Variants in CNOT4 observed in about 807,000 individuals in gnomAD.
CNOT4 encodes the protein CCR4-associated factor 4.
A neutral mutation model predicts 73.8 loss-of-function variants in CNOT4; 8 were observed. That is an observed-to-expected ratio of 0.11 (90% CI 0.06 to 0.20). The LOEUF (loss-of-function observed/expected upper bound fraction) is 0.20. Ranked by LOEUF, CNOT4 falls within the 10% of genes least tolerant of loss-of-function variation. The probability of loss-of-function intolerance (pLI) is 1.00; values close to 1 mark genes in which losing one functional copy is unlikely to be tolerated. For synonymous variants in CNOT4, 293 were observed against 321.1 expected (o/e 0.91, Z 0.94); for missense variants, 564 against 883.4 (o/e 0.64, Z 4.58).
chr7:135,363,273 A>G lies in CNOT4; in HGVS notation c.1841-87T>C. The G allele has an allele frequency of 1.6e-6, 2 of 1,240,914 alleles. No individual in the cohort carries two copies. The highest frequency in any genetic ancestry group is 2.3e-6 in the Non-Finnish European group (2 of 858,374). The allele number at this position is 1,240,914 out of a possible 1,614,324, so 76.9% of individuals were successfully genotyped here. On this transcript the variant is annotated intron_variant, in intron 11 of 11. Coordinates refer to ENST00000541284, the MANE Select transcript of CNOT4 (RefSeq NM_001190850.2). The surrounding 1 kb of genome is among the most constrained non-coding windows in gnomAD (Gnocchi z 4.3). ...CAAACAAATTTAGAAAGCAAAACCA[A>G]AAGGAAAGACAGAAGAGATTACAAT...
intron 1 of CNOT4, among the ~76,000 whole-genome samples, chr7:135,449,664 T>A (rs1800045815): frequency 6.6e-6 from 1 of 152,186 alleles, no homozygotes. Context: ...AGAAAATTAC[T>A]GTCAACCTAC....
chr7:135,452,633 C>T (rs761740580), intron 1 of CNOT4, among the ~76,000 whole-genome samples: 1 of 151,994 alleles, frequency 6.6e-6, no homozygotes, highest in African/African-American at 2.4e-5. Context: ...AGAGGTAGTT[C>T]GTTTTCTTCC....
chr7:135,460,039 T>C (rs184380459), intron 1 of CNOT4, among the ~76,000 whole-genome samples: 22 of 152,338 alleles, frequency 1.4e-4, no homozygotes, highest in African/African-American at 4.8e-4. Context: ...TTTTCTTCTG[T>C]AGCTTTCTCA....
intron 6 of CNOT4, 131 bp from the exon 7 acceptor site, chr7:135,410,779 A>G (rs1288015747): frequency 2.5e-5 from 14 of 569,970 alleles, no homozygotes; most frequent in Admixed American, 5.1e-5. Flanking sequence ...AAAATATTAA[A>G]TAAATTTTAA....
intron 1 of CNOT4, among the ~76,000 whole-genome samples, chr7:135,487,583 G>A (rs963576610): frequency 2.0e-5 from 3 of 151,590 alleles, no homozygotes; most frequent in Non-Finnish European, 4.4e-5. Context: ...CTTTCGAGTC[G>A]GTAAGAACAA....
At chr7:135,428,387 C>T (rs1798630094) in intron 2 of CNOT4, among the ~76,000 whole-genome samples, 2 of 152,052 alleles carry the variant, frequency 1.3e-5, no homozygotes, top group Admixed American at 6.5e-5. Flanking sequence ...AGAAATATAG[C>T]CCACAGACTT....
At chr7:135,429,320 AAT>A (rs1381255239) in intron 2 of CNOT4, among the ~76,000 whole-genome samples, 3 of 152,064 alleles carry the variant, frequency 2.0e-5, no homozygotes, top group African/African-American at 7.2e-5. Flanking sequence ...ATTTTTCTTG[AAT>A]ATGCTTCTAG....
chr7:135,502,868 T>A (rs1214091219), intron 1 of CNOT4, among the ~76,000 whole-genome samples: 1 of 151,294 alleles, frequency 6.6e-6, no homozygotes, highest in Non-Finnish European at 1.5e-5. Context: ...TAATCCTGAT[T>A]TTGGCAGGGC....
chr7:135,377,867 AAAG>A (rs1253188721), intron 10 of CNOT4, among the ~76,000 whole-genome samples: 8 of 152,226 alleles, frequency 5.3e-5, no homozygotes, highest in Non-Finnish European at 1.0e-4. Context: ...GGAAGGCAAA[AAAG>A]AAGACTAGAT....
intron 7 of CNOT4, among the ~76,000 whole-genome samples, chr7:135,402,511 A>C (rs1351966097): frequency 6.6e-6 from 1 of 152,196 alleles, no homozygotes. Context: ...ATATTTATTT[A>C]TTTAAAGTAA....
chr7:135,485,813 G>A (rs1313802296), intron 1 of CNOT4, among the ~76,000 whole-genome samples: 3 of 152,092 alleles, frequency 2.0e-5, no homozygotes, highest in Admixed American at 6.6e-5. Context: ...AATGTAAAAC[G>A]TAAAAGTATA....
At chr7:135,378,191 A>C (rs950612347) in intron 10 of CNOT4, among the ~76,000 whole-genome samples, 38 of 152,246 alleles carry the variant, frequency 2.5e-4, no homozygotes, top group East Asian at 5.8e-4. Flanking sequence ...TTTCTGTTTA[A>C]ATGTGTTGTT....
chr7:135,410,853 T>A (rs1412237867), intron 6 of CNOT4, among the ~76,000 whole-genome samples: 1 of 151,624 alleles, frequency 6.6e-6, no homozygotes, highest in Non-Finnish European at 1.5e-5. Flanking sequence ...TCTAGATCAA[T>A]GAAAGTCATT....
intron 1 of CNOT4, among the ~76,000 whole-genome samples, chr7:135,439,248 C>T (rs1799334498): frequency 6.6e-6 from 1 of 152,018 alleles, no homozygotes; most frequent in Admixed American, 6.6e-5. Context: ...ATCTATAATT[C>T]TATAGTAATC....
At chr7:135,494,470 CAAAAAA>C (rs34284664) in intron 1 of CNOT4, among the ~76,000 whole-genome samples, 2 of 73,052 alleles carry the variant, frequency 2.7e-5, no homozygotes, top group African/African-American at 1.1e-4. Flanking sequence ...AATTCCGTCT[CAAAAAA>C]AAAAAAAAAA....
intron 1 of CNOT4, among the ~76,000 whole-genome samples, chr7:135,468,129 T>C (rs1660273802): frequency 1.3e-5 from 2 of 151,564 alleles, no homozygotes; most frequent in African/African-American, 2.4e-5. Flanking sequence ...GGCAGGAGAA[T>C]GGCGTGAACC....
intron 9 of CNOT4, 105 bp from the exon 10 acceptor site, chr7:135,394,520 G>C: frequency 1.0e-6 from 1 of 953,606 alleles, no homozygotes; most frequent in Non-Finnish European, 1.6e-6. Context: ...TACAAATTAA[G>C]TAAGTGCAAA....
intron 2 of CNOT4, among the ~76,000 whole-genome samples, chr7:135,422,979 C>T (rs868210123): frequency 6.6e-6 from 1 of 152,132 alleles, no homozygotes; most frequent in Non-Finnish European, 1.5e-5. Flanking sequence ...CATCCTAGCT[C>T]AGCCATTACT....
intron 10 of CNOT4, chr7:135,389,001 G>T (rs1383323209): frequency 7.5e-6 from 8 of 1,061,964 alleles, no homozygotes; most frequent in South Asian, 1.8e-5. Context: ...TAAAATACAT[G>T]CTTAATGTTT....
Sources: allele counts gnomAD v4.1 joint callset (sites outside exome capture counted in the v4.1 genomes callset), GRCh38; gene constraint gnomAD v4.1.1; non-coding constraint Gnocchi (gnomAD v3.1); transcripts MANE v1.5; gene names NCBI Gene and HGNC (gene_info 2026-07-23, HGNC 2026-07-21).